Variants in GLCCI1 observed in about 807,000 individuals in gnomAD.
GLCCI1 encodes glucocorticoid-induced transcript 1 protein.
In GLCCI1, 24 loss-of-function variants were observed where a neutral mutation model predicts 52.2. The observed-to-expected ratio is 0.46, with a 90% CI of 0.33 to 0.65. The LOEUF (loss-of-function observed/expected upper bound fraction) is 0.65. Ranked by LOEUF, GLCCI1 falls within the 30% of genes least tolerant of loss-of-function variation. The probability of loss-of-function intolerance (pLI) is 0.02; values close to 1 mark genes in which losing one functional copy is unlikely to be tolerated. For missense variants in GLCCI1, 704 were observed against 701.5 expected (o/e 1.00, Z -0.04); for synonymous variants, 310 against 276.5 (o/e 1.12, Z -1.20).
At chr7:8,018,386 T>C (rs1781419300) in intron 2 of GLCCI1, among the ~76,000 whole-genome samples, 1 of 152,222 alleles carries the variant, frequency 6.6e-6, no homozygotes, top group South Asian at 2.1e-4. Flanking sequence ...AAAAAGCATA[T>C]TGGCCCTTTC....
At position 8,016,296 on chromosome 7, in the gene GLCCI1, C is replaced by T. The variant is rs570661882; in HGVS notation, c.610-6187C>T. ...CATCCTGGCTAACATGGTGAAACCC[C>T]GTCTCTACTAAAAATACAAAAAATT... On this transcript the variant is annotated intron_variant, in intron 2 of 7. Coordinates refer to ENST00000223145, the MANE Select transcript of GLCCI1 (RefSeq NM_138426.4). 4.6e-5 allele frequency among the ~76,000 whole-genome samples: 7 copies of T among 152,144 alleles called. No individual in the cohort carries two copies. The East Asian group carries it at 1.4e-3, about 29-fold the overall frequency.
chr7:8,083,376 T>TTTTG (rs143062514), intron 6 of GLCCI1, among the ~76,000 whole-genome samples: 1 of 152,010 alleles, frequency 6.6e-6, no homozygotes, highest in Non-Finnish European at 1.5e-5. Flanking sequence ...ATGTTTGGTT[T>TTTTG]TTTGTTTGTT....
chr7:8,041,195 A>G (rs1429091765), intron 3 of GLCCI1, among the ~76,000 whole-genome samples: 3 of 152,210 alleles, frequency 2.0e-5, no homozygotes, highest in Admixed American at 6.5e-5. Context: ...AGTGGACTAG[A>G]TAAAAGATCA....
intron 3 of GLCCI1, among the ~76,000 whole-genome samples, chr7:8,025,147 G>A (rs1781586187): frequency 6.6e-6 from 1 of 152,162 alleles, no homozygotes; most frequent in Admixed American, 6.5e-5. Context: ...GTTGAGTGGA[G>A]GCTGTGGACA....
intron 1 of GLCCI1, among the ~76,000 whole-genome samples, chr7:7,975,351 T>A (rs1780442192): frequency 6.6e-6 from 1 of 152,210 alleles, no homozygotes; most frequent in African/African-American, 2.4e-5. Flanking sequence ...AGTTCATGAA[T>A]ACCTCAGTGA....
At position 7,969,006 on chromosome 7, in the gene GLCCI1, G is replaced by A. The variant is rs527830515; in HGVS notation, c.-345G>A. 69 of 159,332 alleles carry A rather than the reference G, an allele frequency of 4.3e-4. No homozygotes were observed. The highest frequency in any genetic ancestry group is 1.7e-3 in the Admixed American group (26 of 15,484). The allele number at this position is 159,332 out of a possible 1,614,324, so 9.9% of individuals were successfully genotyped here. ...GAGGAGAAGGCTGCGAGCGGCCCTC[G>A]GGGCTGCGTGATCCGGGCCGTTGCC... is the stretch of plus-strand genomic sequence containing the variant. On this transcript the variant is annotated 5_prime_UTR_variant, in exon 1 of 8. Transcript: ENST00000223145. The surrounding 1 kb of genome is among the most constrained non-coding windows in gnomAD (Gnocchi z 4.9).
At chr7:7,998,468 G>C (rs755250924) in intron 1 of GLCCI1, among the ~76,000 whole-genome samples, 10 of 152,126 alleles carry the variant, frequency 6.6e-5, no homozygotes, top group Admixed American at 1.3e-4. Flanking sequence ...CACCCACCTC[G>C]GCCTCCCAGA....
At chr7:8,038,120 T>G (rs1285783952) in intron 3 of GLCCI1, among the ~76,000 whole-genome samples, 1 of 152,100 alleles carries the variant, frequency 6.6e-6, no homozygotes, top group African/African-American at 2.4e-5. Context: ...AGAACACCAA[T>G]GAAGTCACTG....
Position 7,969,823 on chromosome 7 carries a change from C to A in GLCCI1, c.457+16C>A. 2.8e-6 allele frequency: 4 copies of A among 1,425,814 alleles called. No individual in the cohort carries two copies. Among genetic ancestry groups the A allele is most frequent in the Non-Finnish European group, 3.7e-6 (4 of 1,088,016 alleles). 88.3% of individuals were successfully genotyped at this position (1,425,814 alleles called of 1,614,324 possible). On this transcript the variant is annotated intron_variant, in intron 1 of 7. Transcript: ENST00000223145. The surrounding 1 kb of genome is among the most constrained non-coding windows in gnomAD (Gnocchi z 4.9). ...GTGTGCAGAGGTAGCGAGCCCAACC[C>A]TCCCGTCCTCCCGGGCTGCGTCTCC...
intron 1 of GLCCI1, among the ~76,000 whole-genome samples, chr7:7,998,407 G>A (rs953329626): frequency 6.6e-6 from 1 of 151,946 alleles, no homozygotes; most frequent in Non-Finnish European, 1.5e-5. Flanking sequence ...GTAGAGACAG[G>A]GTTTCGCCAT....
chr7:8,040,716 A>T (rs1026092411), intron 3 of GLCCI1, among the ~76,000 whole-genome samples: 1 of 152,184 alleles, frequency 6.6e-6, no homozygotes, highest in African/African-American at 2.4e-5. Context: ...TTAGCATACA[A>T]CCCAACAATT....
chr7:7,995,878 T>C (rs1411676737), intron 1 of GLCCI1, among the ~76,000 whole-genome samples: 1 of 152,074 alleles, frequency 6.6e-6, no homozygotes, highest in East Asian at 1.9e-4. Flanking sequence ...TGTGCACATA[T>C]ACCCTAGAAC....
At chr7:7,986,838 A>G (rs1404690521) in intron 1 of GLCCI1, among the ~76,000 whole-genome samples, 2 of 152,158 alleles carry the variant, frequency 1.3e-5, no homozygotes, top group African/African-American at 4.8e-5. Context: ...TCCTACTAGC[A>G]TAATCTTTGA....
At chr7:8,057,316 G>A (rs909253913) in intron 4 of GLCCI1, among the ~76,000 whole-genome samples, 3 of 151,922 alleles carry the variant, frequency 2.0e-5, no homozygotes, top group Non-Finnish European at 4.4e-5. Flanking sequence ...CCGTCAAGTT[G>A]TGAGTGGATA....
chr7:8,001,633 A>G (rs956451985), intron 1 of GLCCI1, among the ~76,000 whole-genome samples: 1 of 152,232 alleles, frequency 6.6e-6, no homozygotes, highest in African/African-American at 2.4e-5. Flanking sequence ...AAATCATGCT[A>G]CTATAAAGAC....
intron 3 of GLCCI1, among the ~76,000 whole-genome samples, chr7:8,033,215 A>T (rs1185236992): frequency 8.3e-6 from 1 of 120,634 alleles, no homozygotes; most frequent in Non-Finnish European, 1.9e-5. Context: ...ATTCATGATT[A>T]AAAAAAAAAA....
chr7:8,066,180 A>G (rs73053556), intron 5 of GLCCI1, among the ~76,000 whole-genome samples: 5,560 of 152,152 alleles, frequency 0.037, 145 homozygotes, highest in Non-Finnish European at 0.057. Flanking sequence ...TCTAGCTTGT[A>G]TGCACAGAGG....
intron 3 of GLCCI1, among the ~76,000 whole-genome samples, chr7:8,052,813 CT>C (rs1030046784): frequency 1.3e-5 from 2 of 152,064 alleles, no homozygotes; most frequent in Non-Finnish European, 2.9e-5. Flanking sequence ...TGCTCCTTCT[CT>C]TTTTTTCTTC....
intron 1 of GLCCI1, among the ~76,000 whole-genome samples, chr7:8,003,389 C>G (rs1366913421): frequency 6.6e-6 from 1 of 152,092 alleles, no homozygotes; most frequent in Non-Finnish European, 1.5e-5. Flanking sequence ...ACAGGCCATT[C>G]ATGTGACGCT....
Sources: allele counts gnomAD v4.1 joint callset (sites outside exome capture counted in the v4.1 genomes callset), GRCh38; gene constraint gnomAD v4.1.1; non-coding constraint Gnocchi (gnomAD v3.1); transcripts MANE v1.5; gene names NCBI Gene and HGNC (gene_info 2026-07-23, HGNC 2026-07-21).